The following RIMBP2 variants were observed in gnomAD, a reference collection of about 807,000 sequenced individuals.
RIMBP2 encodes RIMS-binding protein 2.
In RIMBP2, 48 loss-of-function variants were observed where a neutral mutation model predicts 118.6. That is an observed-to-expected ratio of 0.40 (90% CI 0.32 to 0.51). The LOEUF (loss-of-function observed/expected upper bound fraction) is 0.51, where lower values mean the gene tolerates loss of function less well. RIMBP2 is among the 20% of genes least tolerant of loss of function. The pLI is 0.41. For missense variants in RIMBP2, 1,551 were observed against 1,768.3 expected (o/e 0.88, Z 2.20); for synonymous variants, 762 against 742.9 (o/e 1.03, Z -0.42).
chr12:130,426,004 G>A (rs902814963), intron 15 of RIMBP2: 8 of 152,418 alleles, frequency 5.2e-5, no homozygotes, highest in African/African-American at 1.9e-4. Context: ...TTGCAGATTC[G>A]GGAGCACATC....
chr12:130,492,391 T>C (rs1451692802), intron 4 of RIMBP2, among the ~76,000 whole-genome samples: 3 of 48,716 alleles, frequency 6.2e-5, no homozygotes, highest in Non-Finnish European at 1.2e-4. Flanking sequence ...GTATTTTAGT[T>C]TCTCAAACTG....
chr12:130,592,153 T>C (rs773926327), intron 2 of RIMBP2, among the ~76,000 whole-genome samples: 1 of 152,180 alleles, frequency 6.6e-6, no homozygotes, highest in Non-Finnish European at 1.5e-5. Flanking sequence ...GCACATGCCA[T>C]ATGCTGGTTA....
chr12:130,499,586 C>T (rs1261243309), intron 4 of RIMBP2, among the ~76,000 whole-genome samples: 1 of 152,184 alleles, frequency 6.6e-6, no homozygotes, highest in Non-Finnish European at 1.5e-5. Context: ...TCATTCTACT[C>T]CTGCACCTCG....
At chr12:130,426,658 C>G (rs760257751) in intron 15 of RIMBP2, 1 of 152,358 alleles carries the variant, frequency 6.6e-6, no homozygotes, top group Non-Finnish European at 1.5e-5. Flanking sequence ...GCTCCAGCCC[C>G]GGCGATCCCC....
chr12:130,695,659 G>C (rs1369731263), intron 1 of RIMBP2, among the ~76,000 whole-genome samples: 1 of 152,124 alleles, frequency 6.6e-6, no homozygotes, highest in Non-Finnish European at 1.5e-5. Context: ...AGGTGACCTA[G>C]TTTGTTTCAA....
At chr12:130,491,210 G>A (rs2048607588) in intron 4 of RIMBP2, among the ~76,000 whole-genome samples, 1 of 152,132 alleles carries the variant, frequency 6.6e-6, no homozygotes, top group Admixed American at 6.5e-5. Context: ...GCACAACAAC[G>A]CTTGAAGCAG....
At chr12:130,482,796 A>T (rs1025435252) in intron 4 of RIMBP2, among the ~76,000 whole-genome samples, 28 of 142,802 alleles carry the variant, frequency 2.0e-4, no homozygotes, top group African/African-American at 6.3e-4. Context: ...CCTCATCCCA[A>T]TACACCCATT....
In RIMBP2 at chr12:130,575,823, T is replaced by C. The variant is rs562542349; in HGVS notation, c.-217+52499A>G. Among the ~76,000 whole-genome samples the C allele has an allele frequency of 1.7e-3, 255 of 152,354 alleles. 1 individual carries two copies. Among genetic ancestry groups the C allele is most frequent in the African/African-American group, 5.6e-3 (232 of 41,570 alleles). On this transcript the variant is annotated intron_variant, in intron 2 of 22. Coordinates refer to ENST00000690449, the MANE Select transcript of RIMBP2 (RefSeq NM_001393629.1). The stretch of plus-strand genomic sequence containing the variant: ...GGAAGATCTCCTCCTAAGTCGTGTC[T>C]GTTGAAGTCATCTGGTAACTTGAAA...
intron 15 of RIMBP2, chr12:130,426,153 G>A (rs2076773013): frequency 6.6e-6 from 1 of 152,316 alleles, no homozygotes; most frequent in African/African-American, 2.4e-5. Flanking sequence ...GTGCCCATCA[G>A]GGATCCGGCT....
At chr12:130,489,450 C>T (rs1000838040) in intron 4 of RIMBP2, among the ~76,000 whole-genome samples, 1 of 152,114 alleles carries the variant, frequency 6.6e-6, no homozygotes, top group African/African-American at 2.4e-5. Context: ...TTCCCAGACG[C>T]CCTCGCCCTC....
At chr12:130,697,616 G>A (rs2065636586) in intron 1 of RIMBP2, among the ~76,000 whole-genome samples, 1 of 152,098 alleles carries the variant, frequency 6.6e-6, no homozygotes, top group South Asian at 2.1e-4. Flanking sequence ...AATTGTCCTT[G>A]TCCTTCCTAA....
intron 6 of RIMBP2, among the ~76,000 whole-genome samples, chr12:130,468,752 C>T (rs150030420): frequency 1.3e-4 from 20 of 152,270 alleles, no homozygotes; most frequent in East Asian, 3.9e-4. Context: ...CAGGGTTATC[C>T]GCTAGGCTCT....
chr12:130,706,433 C>A (rs1443406765), intron 1 of RIMBP2, among the ~76,000 whole-genome samples: 1 of 152,232 alleles, frequency 6.6e-6, no homozygotes, highest in Non-Finnish European at 1.5e-5. Context: ...GAGATCGGGG[C>A]CTGCCAGCCT....
Position 130,424,567 on chromosome 12 carries a change from G to A in RIMBP2, c.2704C>T (p.Leu902=). Residue 902 remains leucine (L), a synonymous_variant, in exon 16 of 23, where the codon CTG becomes TTG. Transcript: ENST00000690449. This position sits in a 1 kb window ranked among gnomAD's most constrained non-coding sequence, Gnocchi z 9.8. The part of the protein sequence containing the change: ...GAVPHVEDFL[L]EDRGCRFSRS... The stretch of plus-strand genomic sequence containing the variant: ...CTGAACCGACAGCCCCTGTCTTCCA[G>A]AAGGAAGTCCTCCACGTGGGGGACG... 1 of 1,231,984 alleles carries A rather than the reference G, an allele frequency of 8.1e-7. No homozygotes were observed. The highest frequency in any genetic ancestry group is 1.0e-6 in the Non-Finnish European group (1 of 987,850). The allele number at this position is 1,231,984 out of a possible 1,614,324, so 76.3% of individuals were successfully genotyped here. A position where few individuals can be genotyped will look rare whatever the true frequency, so the allele number is the denominator to read the frequency against.
At chr12:130,550,543 C>G (rs192305884) in intron 2 of RIMBP2, among the ~76,000 whole-genome samples, 29 of 152,292 alleles carry the variant, frequency 1.9e-4, no homozygotes, top group African/African-American at 6.7e-4. Flanking sequence ...GATGTTTCCA[C>G]TGGGGTCAGC....
At chr12:130,445,913 G>A (rs1222858317) in intron 9 of RIMBP2, among the ~76,000 whole-genome samples, 2 of 152,022 alleles carry the variant, frequency 1.3e-5, no homozygotes, top group African/African-American at 4.8e-5. Flanking sequence ...TCTTCCTAAT[G>A]ATAAATCCTA....
At chr12:130,554,485 C>T (rs1248084498) in intron 2 of RIMBP2, among the ~76,000 whole-genome samples, 2 of 152,146 alleles carry the variant, frequency 1.3e-5, no homozygotes. Context: ...ATATACGGCC[C>T]TCATAAAGTG....
In RIMBP2 at chr12:130,445,265, TG is replaced by T; in HGVS notation, c.585del (p.Tyr195Ter). On this transcript the variant is annotated frameshift_variant, in exon 10 of 23. Coordinates refer to ENST00000690449, the MANE Select transcript of RIMBP2 (RefSeq NM_001393629.1). LOFTEE classifies it high-confidence loss of function. ...KVHLCVARYS[Y>X]NPFDGPNENP... ...TTCTCGTTCGGTCCATCGAAGGGGT[TG>T]TAACTGCAGAGAAAACACAGTTCCT... 1 of 1,610,578 alleles carries T rather than the reference TG, an allele frequency of 6.2e-7. No homozygotes were observed. The highest frequency in any genetic ancestry group is 8.5e-7 in the Non-Finnish European group (1 of 1,178,424).
At chr12:130,650,901 CAG>C (rs1209954899) in intron 1 of RIMBP2, among the ~76,000 whole-genome samples, 2 of 139,568 alleles carry the variant, frequency 1.4e-5, no homozygotes, top group Non-Finnish European at 1.5e-5. Context: ...AGGAAAATAT[CAG>C]AGAGATTTCA....
Sources: gnomAD v4.1 joint callset for allele counts (sites outside exome capture counted in the v4.1 genomes callset) on GRCh38, gnomAD v4.1.1 for gene constraint, Gnocchi (gnomAD v3.1) non-coding constraint, MANE v1.5 for transcripts, NCBI Gene and HGNC (gene_info 2026-07-23, HGNC 2026-07-21) for gene names.